EDNRB: variants seen among roughly 807,000 people sequenced by gnomAD.
EDNRB encodes endothelin receptor type B.
Under a neutral mutation model 46.4 loss-of-function variants are expected in EDNRB, and 18 were observed. The observed-to-expected ratio is 0.39, with a 90% CI of 0.27 to 0.57. The LOEUF is 0.57. Among genes scored for constraint, EDNRB ranks in the 20% least tolerant of loss-of-function variants. EDNRB has a pLI of 0.61. For synonymous variants in EDNRB, 213 were observed against 204.9 expected (o/e 1.04, Z -0.34); for missense variants, 434 against 537.5 (o/e 0.81, Z 1.90).
intron 1 of EDNRB, among the ~76,000 whole-genome samples, chr13:77,903,837 A>G (rs1054946492): frequency 1.8e-4 from 28 of 151,992 alleles, no homozygotes; most frequent in African/African-American, 6.8e-4. Context: ...CATCATGCGT[A>G]TACAGTAGCT....
intron 1 of EDNRB, among the ~76,000 whole-genome samples, chr13:77,904,665 G>A (rs144812188): frequency 0.011 from 1,642 of 151,852 alleles, 23 homozygotes; most frequent in African/African-American, 0.028. Flanking sequence ...TCTGACTGCA[G>A]ACTATGAAAC....
chr13:77,937,924 G>A (rs1880616864), intron 1 of EDNRB, among the ~76,000 whole-genome samples: 1 of 152,242 alleles, frequency 6.6e-6, no homozygotes, highest in Non-Finnish European at 1.5e-5. Context: ...AGAATGCCTG[G>A]ATGTCAGGCA....
chr13:77,933,257 G>A (rs1365206294), intron 1 of EDNRB, among the ~76,000 whole-genome samples: 2 of 152,212 alleles, frequency 1.3e-5, no homozygotes, highest in Non-Finnish European at 2.9e-5. Flanking sequence ...CACCAAACAG[G>A]CTTTGTGTGA....
At chr13:77,911,359 G>A (rs1016693844) in intron 1 of EDNRB, among the ~76,000 whole-genome samples, 10 of 152,052 alleles carry the variant, frequency 6.6e-5, no homozygotes, top group Admixed American at 1.3e-4. Context: ...AGACTAATAA[G>A]CTGTGATCAG....
At chr13:77,968,940 C>T (rs79626288) in intron 1 of EDNRB, among the ~76,000 whole-genome samples, 2 of 152,090 alleles carry the variant, frequency 1.3e-5, no homozygotes, top group African/African-American at 4.8e-5. Flanking sequence ...GACTAACTTT[C>T]GTCACCCTTC....
chr13:77,936,915 T>C (rs1450507175), intron 1 of EDNRB, among the ~76,000 whole-genome samples: 1 of 152,208 alleles, frequency 6.6e-6, no homozygotes, highest in African/African-American at 2.4e-5. Context: ...AGGCAAGTAA[T>C]TGTAACTCAG....
rs199937989 is a variant in EDNRB at position 77,901,189 on chromosome 13, C to T, written c.820G>A (p.Asp274Asn). ...AFMQFYKTAK[D>N]WWLFSFYFCL... ...AAATAGAAACTGAATAGCCACCAAT[C>T]TTTTGCTGTCTTGTAAAACTATAGG... Residue 274 changes from aspartate (D) to asparagine (N), a missense_variant, in exon 4 of 7, where the codon GAT becomes AAT. Asp to Asn is a conservative substitution (Grantham distance 23). Coordinates refer to ENST00000646607, the MANE Select transcript of EDNRB (RefSeq NM_001122659.3). The T allele has an allele frequency of 1.9e-5, 31 of 1,610,826 alleles. No individual in the cohort carries two copies. In the South Asian group the frequency reaches 3.1e-4, roughly 16 times the overall value.
rs12720128 is a variant in EDNRB, at chr13:77,957,721, C to G, written c.-52+17626G>C. ...CCTGGATGAACTGCCTGCACGTACA[C>G]TTTCATGTGGTTTTGTTCTTGTCCA... On this transcript the variant is annotated intron_variant, in intron 1 of 7. Coordinates refer to the EDNRB transcript ENST00000646948. Among the ~76,000 whole-genome samples, 139 of 152,306 alleles carry G rather than the reference C, an allele frequency of 9.1e-4. 4 individuals are homozygous for G. The East Asian group carries it at 0.024, about 26-fold the overall frequency.
upstream of EDNRB, chr13:77,918,981 G>T: frequency 9.9e-7 from 1 of 1,007,804 alleles, no homozygotes; most frequent in Non-Finnish European, 1.2e-6. The surrounding 1 kb of genome is among the most constrained non-coding windows in gnomAD (Gnocchi z 4.5). Context: ...AGTTAAGCGT[G>T]CGTGGGAACC....
Position 77,912,280 on chromosome 13 carries a change from G to T in EDNRB, c.483+5811C>A, listed in dbSNP as rs74557410. Reference sequence around the variant, plus strand: ...GCTTGGATTTACGGAGTGACCAAGTGGCAGATCAAAGGCACACACAAGAAA... The same window carrying T: ...GCTTGGATTTACGGAGTGACCAAGTTGCAGATCAAAGGCACACACAAGAAA... On this transcript the variant is annotated intron_variant, in intron 1 of 6. Coordinates refer to ENST00000646607, the MANE Select transcript of EDNRB (RefSeq NM_001122659.3). Among the ~76,000 whole-genome samples the T allele has an allele frequency of 3.3e-5, 5 of 152,144 alleles. No individual in the cohort carries two copies. The East Asian group carries it at 9.7e-4, about 29-fold the overall frequency.
intron 1 of EDNRB, among the ~76,000 whole-genome samples, chr13:77,964,979 AC>A (rs1881540550): frequency 6.6e-6 from 1 of 152,144 alleles, no homozygotes; most frequent in South Asian, 2.1e-4. Context: ...CCAAATCATT[AC>A]CATATACATA....
chr13:77,933,360 T>G (rs1172794271), intron 1 of EDNRB, among the ~76,000 whole-genome samples: 1 of 151,958 alleles, frequency 6.6e-6, no homozygotes. Flanking sequence ...TTTATAAGAT[T>G]TGGGTAGGTA....
At chr13:77,920,700 T>G (rs1308226179), upstream of EDNRB, among the ~76,000 whole-genome samples, 1 of 152,214 alleles carries the variant, frequency 6.6e-6, no homozygotes, top group East Asian at 1.9e-4. Context: ...GGGTTGTGAG[T>G]GCTAATTCCA....
At chr13:77,935,245 A>T (rs1175217568) in intron 1 of EDNRB, among the ~76,000 whole-genome samples, 2 of 152,210 alleles carry the variant, frequency 1.3e-5, no homozygotes, top group Non-Finnish European at 2.9e-5. Flanking sequence ...AGTAAGGTCA[A>T]GTTGTTTGGA....
intron 1 of EDNRB, among the ~76,000 whole-genome samples, chr13:77,928,217 A>G (rs557344198): frequency 5.3e-5 from 8 of 152,336 alleles, no homozygotes; most frequent in African/African-American, 1.7e-4. Flanking sequence ...GAGGAATAAG[A>G]CATCACTTTT....
At chr13:77,970,071 A>G (rs894842907) in intron 1 of EDNRB, among the ~76,000 whole-genome samples, 2 of 152,236 alleles carry the variant, frequency 1.3e-5, no homozygotes, top group Admixed American at 6.5e-5. Context: ...TTTAGGAACC[A>G]GTGTCTGCAT....
At chr13:77,936,085 G>A (rs897949009) in intron 1 of EDNRB, among the ~76,000 whole-genome samples, 2 of 152,112 alleles carry the variant, frequency 1.3e-5, no homozygotes, top group African/African-American at 4.8e-5. Context: ...GCATTGAGCG[G>A]GATAAGAGTG....
At chr13:77,919,925 G>A (rs1322292393), upstream of EDNRB, 1 of 230,826 alleles carries the variant, frequency 4.3e-6, no homozygotes, top group East Asian at 9.0e-5. Context: ...TCAGGTAAAT[G>A]TTCCGCCGCT....
At position 77,903,512 on chromosome 13, in the gene EDNRB, A is replaced by G; in HGVS notation, c.579T>C (p.Cys193=). 1 of 1,612,918 alleles carries G rather than the reference A, an allele frequency of 6.2e-7. No individual in the cohort carries two copies. The highest frequency in any genetic ancestry group is 1.3e-5 in the African/African-American group (1 of 74,950). Residue 193 remains cysteine (C), a synonymous_variant, in exon 2 of 7, where the codon TGT becomes TGC. Coordinates refer to ENST00000646607, the MANE Select transcript of EDNRB (RefSeq NM_001122659.3). ...GCTTCTACCTGTCAATACTCAGAGC[A>G]CATAGACTCAGCACAGTGATTCCCA... ...ASVGITVLSL[C]ALSIDRYRAV...
Sources: allele counts gnomAD v4.1 joint callset (sites outside exome capture counted in the v4.1 genomes callset), GRCh38; gene constraint gnomAD v4.1.1; non-coding constraint Gnocchi (gnomAD v3.1); transcripts MANE v1.5; gene names NCBI Gene and HGNC (gene_info 2026-07-23, HGNC 2026-07-21).